The following ABHD6 variants were observed in gnomAD, a reference collection of about 807,000 sequenced individuals.
ABHD6 encodes the protein monoacylglycerol lipase ABHD6.
Under a neutral mutation model 38.8 loss-of-function variants are expected in ABHD6, and 33 were observed. The observed-to-expected ratio is 0.85, with a 90% CI of 0.64 to 1.14. The LOEUF is 1.14. Among genes scored for constraint, ABHD6 ranks in the 50% most tolerant of loss-of-function variants. The pLI is 0.00. For synonymous variants in ABHD6, 147 were observed against 161.6 expected, an observed-to-expected ratio of 0.91 and a Z score of 0.69; for missense variants, 380 against 422.6, an observed-to-expected ratio of 0.90 and a Z score of 0.88.
chr3:58,284,740 C>T (rs1023765034), intron 7 of ABHD6, among the ~76,000 whole-genome samples: 5 of 152,126 alleles, frequency 3.3e-5, no homozygotes, highest in African/African-American at 1.2e-4. Context: ...CATGAGCCAC[C>T]ATGCCCGGCC....
intron 7 of ABHD6, among the ~76,000 whole-genome samples, chr3:58,278,113 G>T (rs1575527938): frequency 6.6e-6 from 1 of 152,172 alleles, no homozygotes; most frequent in Non-Finnish European, 1.5e-5. Context: ...GATGATGCAG[G>T]CCTCATAAAA....
intron 3 of ABHD6, among the ~76,000 whole-genome samples, chr3:58,260,976 G>A (rs562130076): frequency 6.6e-6 from 1 of 152,300 alleles, no homozygotes; most frequent in South Asian, 2.1e-4. Flanking sequence ...CGTGGACTAT[G>A]GCTGCTCCTG....
chr3:58,246,432 C>T (rs942349308), intron 1 of ABHD6, among the ~76,000 whole-genome samples: 1 of 152,236 alleles, frequency 6.6e-6, no homozygotes, highest in Non-Finnish European at 1.5e-5. Context: ...GAGCCTCGGA[C>T]TGATCTGCCT....
At chr3:58,286,025 G>C (rs367942226) in intron 9 of ABHD6, among the ~76,000 whole-genome samples, 2 of 136,766 alleles carry the variant, frequency 1.5e-5, no homozygotes, top group Non-Finnish European at 3.2e-5. Flanking sequence ...TTGTTCTTTT[G>C]TTTTTTTTTT....
rs1304640108 is a variant in ABHD6 at position 58,286,846 on chromosome 3, G to GCATATATATATATATA, written c.837+1393_837+1394insCATATATATATATATA. ...TATGTGTGTGTGTGTGTGTGTGTGT[G>GCATATATATATATATA]TGTGTGTATATATATATATATATGT... is the stretch of plus-strand genomic sequence containing the variant. On this transcript the variant is annotated intron_variant, in intron 9 of 9. Transcript: ENST00000478253. Among the ~76,000 whole-genome samples, 357 of 90,164 alleles carry GCATATATATATATATA rather than the reference G, an allele frequency of 4.0e-3. 6 individuals are homozygous for GCATATATATATATATA. The highest frequency in any genetic ancestry group is 6.5e-3 in the Admixed American group (52 of 8,052). The allele number at this position is 90,164 out of a possible 152,430, so 59.2% of individuals were successfully genotyped here.
chr3:58,268,503 T>C (rs920959926), intron 4 of ABHD6, among the ~76,000 whole-genome samples: 2 of 152,136 alleles, frequency 1.3e-5, no homozygotes, highest in Admixed American at 6.5e-5. Context: ...GGTGTGAAGG[T>C]TGGGGCTGGC....
At chr3:58,291,392 GGGGAGAGGGAGA>G (rs546808644) in intron 9 of ABHD6, among the ~76,000 whole-genome samples, 22 of 151,746 alleles carry the variant, frequency 1.4e-4, no homozygotes, top group African/African-American at 3.2e-4. Context: ...GGGAGACCGT[GGGGAGAGGGAGA>G]GGGAGAGGGA....
intron 2 of ABHD6, among the ~76,000 whole-genome samples, chr3:58,252,232 T>G (rs1468106006): frequency 1.4e-5 from 2 of 139,394 alleles, no homozygotes; most frequent in Non-Finnish European, 3.1e-5. Flanking sequence ...ACTGCTTGTT[T>G]TTTTTTTTTT....
At chr3:58,239,071 C>G (rs1292333420) in intron 1 of ABHD6, among the ~76,000 whole-genome samples, 1 of 152,066 alleles carries the variant, frequency 6.6e-6, no homozygotes, top group African/African-American at 2.4e-5. Flanking sequence ...GTGGTACCTT[C>G]CCAAGACACG....
chr3:58,289,842 A>G (rs4508745), intron 9 of ABHD6, among the ~76,000 whole-genome samples: 108,572 of 141,820 alleles, frequency 0.77, 41,854 homozygotes, highest in East Asian at 0.99. Flanking sequence ...CCACCCGGAC[A>G]GGGCGGCTGG....
intron 9 of ABHD6, among the ~76,000 whole-genome samples, chr3:58,291,823 C>T (rs1272732072): frequency 6.6e-6 from 1 of 152,154 alleles, no homozygotes; most frequent in African/African-American, 2.4e-5. Context: ...TGGTGCGTAC[C>T]TGTCATCCCA....
At position 58,263,860 on chromosome 3, in the gene ABHD6, T is replaced by C. The variant is rs2097438848; in HGVS notation, c.120-3329T>C. Among the ~76,000 whole-genome samples the C allele has an allele frequency of 6.6e-6, 1 of 152,172 alleles. No homozygotes were observed. The highest frequency in any genetic ancestry group is 6.5e-5 in the Admixed American group (1 of 15,270). On this transcript the variant is annotated intron_variant, in intron 3 of 9. Transcript: ENST00000478253. The surrounding 1 kb of genome is among the most constrained non-coding windows in gnomAD (Gnocchi z 4.9). ...AATAAATAATTTAAAAATAAAAAGGTAACACAAAGAAAATGTAAATTACCC... is the reference window on the plus strand; with the variant it reads ...AATAAATAATTTAAAAATAAAAAGGCAACACAAAGAAAATGTAAATTACCC...
intron 2 of ABHD6, among the ~76,000 whole-genome samples, chr3:58,253,327 T>A (rs2097431251): frequency 6.6e-6 from 1 of 152,216 alleles, no homozygotes; most frequent in Non-Finnish European, 1.5e-5. Context: ...CAGCAGTTTT[T>A]AAGGACTTTG....
rs541386238 is a variant in ABHD6 at position 58,259,144 on chromosome 3, A to G, written c.119+2439A>G. Among the ~76,000 whole-genome samples, 2 of 152,288 alleles carry G rather than the reference A, an allele frequency of 1.3e-5. No homozygotes were observed. Among genetic ancestry groups the G allele is most frequent in the Non-Finnish European group, 2.9e-5 (2 of 68,028 alleles). ...ACTGATGTGGCTCGTAACCATGGAT[A>G]TGGTCACATACAGAGGTGTGATTAT... On this transcript the variant is annotated intron_variant, in intron 3 of 9. Coordinates refer to ENST00000478253, the MANE Select transcript of ABHD6 (RefSeq NM_001320126.2). This position sits in a 1 kb window ranked among gnomAD's most constrained non-coding sequence, Gnocchi z 4.7.
At chr3:58,246,027 G>A (rs2097426143) in intron 1 of ABHD6, among the ~76,000 whole-genome samples, 1 of 152,148 alleles carries the variant, frequency 6.6e-6, no homozygotes, top group Non-Finnish European at 1.5e-5. Flanking sequence ...CTTACATGAT[G>A]CTCTTTCTAG....
rs898925467 is a variant in ABHD6, at chr3:58,266,683, A to G, written c.120-506A>G. On this transcript the variant is annotated intron_variant, in intron 3 of 9. Transcript: ENST00000478253. The surrounding 1 kb of genome is among the most constrained non-coding windows in gnomAD (Gnocchi z 4.0). ...ATTATCTCTCATCTTGGAGGGATTC[A>G]CCATGCAGAGAGTTCAATTTGTTTA... is the stretch of plus-strand genomic sequence containing the variant. 6.6e-6 allele frequency among the ~76,000 whole-genome samples: 1 copy of G among 152,168 alleles called. No individual in the cohort carries two copies. The highest frequency in any genetic ancestry group is 1.5e-5 in the Non-Finnish European group (1 of 68,030).
intron 9 of ABHD6, among the ~76,000 whole-genome samples, chr3:58,286,260 C>T (rs956979707): frequency 6.6e-6 from 1 of 152,032 alleles, no homozygotes; most frequent in Non-Finnish European, 1.5e-5. Context: ...ACGTCATGAT[C>T]TGCCGGCCTC....
intron 9 of ABHD6, among the ~76,000 whole-genome samples, chr3:58,289,873 C>CG (rs1164252922): frequency 2.6e-5 from 3 of 115,432 alleles, no homozygotes; most frequent in East Asian, 4.4e-4. Context: ...GGCTGACCCC[C>CG]CCACCTCCCT....
chr3:58,280,559 T>C (rs751758293), intron 7 of ABHD6, among the ~76,000 whole-genome samples: 13 of 152,220 alleles, frequency 8.5e-5, no homozygotes, highest in Non-Finnish European at 1.5e-4. Flanking sequence ...ACGGAGAAGT[T>C]TGTTATTACT....
Sources: gnomAD v4.1 joint callset for allele counts (sites outside exome capture counted in the v4.1 genomes callset) on GRCh38, gnomAD v4.1.1 for gene constraint, Gnocchi (gnomAD v3.1) non-coding constraint, MANE v1.5 for transcripts, NCBI Gene and HGNC (gene_info 2026-07-23, HGNC 2026-07-21) for gene names.